OPCML: variants seen among roughly 807,000 people sequenced by gnomAD.
The protein encoded by OPCML is opioid binding protein/cell adhesion molecule like, also known as opioid-binding protein/cell adhesion molecule.
A neutral mutation model predicts 37.8 loss-of-function variants in OPCML; 13 were observed. The observed-to-expected ratio is 0.34, with a 90% CI of 0.22 to 0.55. OPCML has a LOEUF of 0.55. Ranked by LOEUF, OPCML falls within the 20% of genes least tolerant of loss-of-function variation. The pLI is 0.91. For missense variants in OPCML, 341 were observed against 435.6 expected, an observed-to-expected ratio of 0.78 and a Z score of 1.93; for synonymous variants, 176 against 168.8, an observed-to-expected ratio of 1.04 and a Z score of -0.33.
At chr11:132,947,358 T>G (rs1405845715) in intron 1 of OPCML, among the ~76,000 whole-genome samples, 1 of 152,236 alleles carries the variant, frequency 6.6e-6, no homozygotes, top group Non-Finnish European at 1.5e-5. Context: ...GTATCCCATT[T>G]TGTTGCACAG....
intron 1 of OPCML, among the ~76,000 whole-genome samples, chr11:133,157,554 T>C (rs1238894997): frequency 1.3e-5 from 2 of 152,202 alleles, no homozygotes; most frequent in Admixed American, 6.5e-5. Context: ...GCAATGCCCA[T>C]CCTTCCGCTT....
At chr11:132,877,432 T>C (rs1269580345) in intron 2 of OPCML, among the ~76,000 whole-genome samples, 1 of 152,232 alleles carries the variant, frequency 6.6e-6, no homozygotes, top group South Asian at 2.1e-4. Flanking sequence ...AGTCTGGCCC[T>C]AGCTTTGCTA....
chr11:133,237,121 A>G (rs951343719), intron 1 of OPCML, among the ~76,000 whole-genome samples: 1 of 152,200 alleles, frequency 6.6e-6, no homozygotes, highest in African/African-American at 2.4e-5. Flanking sequence ...AACCAAAAAG[A>G]TGTTTCCAGA....
intron 1 of OPCML, among the ~76,000 whole-genome samples, chr11:133,187,005 G>C (rs1938114134): frequency 6.6e-6 from 1 of 152,114 alleles, no homozygotes; most frequent in Non-Finnish European, 1.5e-5. Context: ...TAGAGGACAA[G>C]GTCTTCAGAT....
intron 1 of OPCML, among the ~76,000 whole-genome samples, chr11:133,505,193 T>A (rs1408899292): frequency 6.6e-6 from 1 of 152,242 alleles, no homozygotes; most frequent in Non-Finnish European, 1.5e-5. Context: ...TATCTGTTAA[T>A]AGTTTCAGTG....
At chr11:132,829,535 A>C (rs1940562429) in intron 2 of OPCML, among the ~76,000 whole-genome samples, 1 of 152,158 alleles carries the variant, frequency 6.6e-6, no homozygotes, top group South Asian at 2.1e-4. Flanking sequence ...AGGGCCTCTG[A>C]CTTCTCCTCT....
At chr11:132,690,267 T>A (rs561064988) in intron 2 of OPCML, among the ~76,000 whole-genome samples, 48 of 152,284 alleles carry the variant, frequency 3.2e-4, no homozygotes, top group African/African-American at 1.1e-3. Flanking sequence ...TTAACGTGCA[T>A]CCGAGTCATC....
chr11:133,032,032 C>T (rs1947684130), intron 1 of OPCML, among the ~76,000 whole-genome samples: 1 of 152,194 alleles, frequency 6.6e-6, no homozygotes, highest in Non-Finnish European at 1.5e-5. Flanking sequence ...ATTACACTCT[C>T]TGTTCAAAAT....
Position 132,634,920 on chromosome 11 carries a change from A to C in OPCML, c.379+22167T>G, listed in dbSNP as rs113898178. On this transcript the variant is annotated intron_variant, in intron 3 of 7. Coordinates refer to ENST00000524381, the MANE Select transcript of OPCML (RefSeq NM_001012393.5). ...ACACAAGATTCTAACTCAGCCTTGCATGCGAGATAAGAATATAATGCCCTC... is the reference window on the plus strand; with the variant it reads ...ACACAAGATTCTAACTCAGCCTTGCCTGCGAGATAAGAATATAATGCCCTC... 7.5e-3 allele frequency among the ~76,000 whole-genome samples: 1,140 copies of C among 152,090 alleles called. 17 individuals are homozygous for C. The highest frequency in any genetic ancestry group is 0.026 in the African/African-American group (1,091 of 41,486).
chr11:133,486,710 C>G (rs7927918), intron 1 of OPCML, among the ~76,000 whole-genome samples: 50,703 of 151,926 alleles, frequency 0.33, 10,509 homozygotes, highest in African/African-American at 0.58. Flanking sequence ...CTTGTAATTC[C>G]ACTTGCCTCT....
chr11:132,574,259 GT>G (rs1400106159), intron 3 of OPCML, among the ~76,000 whole-genome samples: 81 of 137,336 alleles, frequency 5.9e-4, no homozygotes, highest in Middle Eastern at 3.6e-3. Context: ...TTTTTTTTTG[GT>G]TTTTTTGTTT....
chr11:132,784,820 T>C (rs919362074), intron 2 of OPCML, among the ~76,000 whole-genome samples: 2 of 152,092 alleles, frequency 1.3e-5, no homozygotes, highest in African/African-American at 4.8e-5. Context: ...TGCTCCTCCT[T>C]CACTTTCTAC....
chr11:132,835,685 A>G (rs1940963673), intron 2 of OPCML, among the ~76,000 whole-genome samples: 3 of 152,226 alleles, frequency 2.0e-5, no homozygotes, highest in African/African-American at 7.2e-5. Context: ...AGAGGCCCTA[A>G]CACACAGGAA....
Position 132,953,853 on chromosome 11 carries a change from T to A in OPCML, c.62-10843A>T, listed in dbSNP as rs986762117. ...TGGTTGCATGGGAAAAACAACATTT[T>A]TTTATTTAAAGAACGAGCAAAATGT... On this transcript the variant is annotated intron_variant, in intron 1 of 7. Coordinates refer to ENST00000524381, the MANE Select transcript of OPCML (RefSeq NM_001012393.5). Among the ~76,000 whole-genome samples, 5 of 152,182 alleles carry A rather than the reference T, an allele frequency of 3.3e-5. No individual in the cohort carries two copies. The East Asian group carries it at 9.7e-4, about 29-fold the overall frequency.
intron 2 of OPCML, among the ~76,000 whole-genome samples, chr11:132,828,039 G>A (rs1940464377): frequency 1.3e-5 from 2 of 152,062 alleles, no homozygotes; most frequent in African/African-American, 2.4e-5. Flanking sequence ...GTACATCCAG[G>A]CAATGGAATA....
intron 3 of OPCML, among the ~76,000 whole-genome samples, chr11:132,580,225 C>A (rs1270237763): frequency 1.3e-5 from 2 of 152,000 alleles, no homozygotes; most frequent in Non-Finnish European, 2.9e-5. Context: ...GGGGGGAAAC[C>A]CAACAACTTA....
rs1291371138 is a variant in OPCML at position 132,789,154 on chromosome 11, G to T, written c.147-131835C>A. On this transcript the variant is annotated intron_variant, in intron 2 of 7. Coordinates refer to ENST00000524381, the MANE Select transcript of OPCML (RefSeq NM_001012393.5). ...CTCTGACCCTACAAATCTAAATTAGGCTTTCCTCTTGCCATGTTTATTATA... is the reference window on the plus strand; with the variant it reads ...CTCTGACCCTACAAATCTAAATTAGTCTTTCCTCTTGCCATGTTTATTATA... Among the ~76,000 whole-genome samples the T allele has an allele frequency of 3.9e-5, 6 of 152,062 alleles. No individual in the cohort carries two copies. In the East Asian group the frequency reaches 5.8e-4, roughly 15 times the overall value.
intron 7 of OPCML, among the ~76,000 whole-genome samples, chr11:132,431,942 GTAGA>G (rs891355726): frequency 2.2e-4 from 33 of 152,184 alleles, no homozygotes; most frequent in African/African-American, 7.7e-4. Context: ...GGCTTCAGAA[GTAGA>G]TAGAAGAAAG....
At chr11:132,678,094 T>C (rs1210222647) in intron 2 of OPCML, among the ~76,000 whole-genome samples, 1 of 152,198 alleles carries the variant, frequency 6.6e-6, no homozygotes. Flanking sequence ...AAGACCTTAA[T>C]AGACACCTCA....
Sources: gnomAD v4.1 joint callset for allele counts (sites outside exome capture counted in the v4.1 genomes callset) on GRCh38, gnomAD v4.1.1 for gene constraint, MANE v1.5 for transcripts, NCBI Gene and HGNC (gene_info 2026-07-23, HGNC 2026-07-21) for gene names.